The following LARP1B variants were observed in gnomAD, a reference collection of about 807,000 sequenced individuals.
The protein encoded by LARP1B is La ribonucleoprotein 1B, also known as la-related protein 1B.
LARP1B carries 76 observed loss-of-function variants against 114.2 expected under a neutral mutation model. The observed-to-expected ratio is 0.67, with a 90% CI of 0.55 to 0.81. LARP1B has a LOEUF of 0.81. LARP1B is among the 30% of genes least tolerant of loss of function. The probability of loss-of-function intolerance (pLI) is 0.00; values close to 1 mark genes in which losing one functional copy is unlikely to be tolerated. For synonymous variants in LARP1B, 345 were observed against 348.0 expected (o/e 0.99, Z 0.10); for missense variants, 1,014 against 1,075.8 (o/e 0.94, Z 0.80).
intron 7 of LARP1B, chr4:128,092,736 G>A (rs1442937918): frequency 3.0e-6 from 3 of 984,888 alleles, no homozygotes; most frequent in Non-Finnish European, 3.6e-6. Flanking sequence ...CTTACAGTGT[G>A]GAGCAACTTG....
At position 128,098,780 on chromosome 4, in the gene LARP1B, T is replaced by A. The variant is rs1441656530; in HGVS notation, c.813+450T>A. Among the ~76,000 whole-genome samples, 437 of 94,506 alleles carry A rather than the reference T, an allele frequency of 4.6e-3. 9 individuals carry two copies. The highest frequency in any genetic ancestry group is 0.016 in the African/African-American group (396 of 25,098). The allele number at this position is 94,506 out of a possible 152,430, so 62.0% of individuals were successfully genotyped here. On this transcript the variant is annotated intron_variant, in intron 8 of 19. Coordinates refer to ENST00000326639, the MANE Select transcript of LARP1B (RefSeq NM_018078.4). ...ATATATATATATATTTTTTTTTTTTTTTTTTTTTTTTTTTTAAGACAGTGT... is the reference window on the plus strand; with the variant it reads ...ATATATATATATATTTTTTTTTTTTATTTTTTTTTTTTTTTAAGACAGTGT...
At chr4:128,064,035 G>A (rs547243249) in intron 1 of LARP1B, among the ~76,000 whole-genome samples, 12 of 152,210 alleles carry the variant, frequency 7.9e-5, no homozygotes, top group African/African-American at 2.4e-4. Flanking sequence ...ACTTTGGGAG[G>A]CCGAGGCGGG....
chr4:128,133,517 G>A (rs527847729), intron 11 of LARP1B, among the ~76,000 whole-genome samples: 1 of 152,244 alleles, frequency 6.6e-6, no homozygotes, highest in South Asian at 2.1e-4. Flanking sequence ...AAAAATTCAC[G>A]TGGAATCTCA....
intron 1 of LARP1B, among the ~76,000 whole-genome samples, chr4:128,067,726 T>C (rs1763556036): frequency 6.6e-6 from 1 of 152,050 alleles, no homozygotes; most frequent in Admixed American, 6.6e-5. Context: ...TTTTTTTTCT[T>C]TTTTTGAGAT....
chr4:128,209,847 C>T lies in LARP1B; in HGVS notation c.2548-9C>T. 6.2e-7 allele frequency: 1 copy of T among 1,610,028 alleles called. No individual in the cohort carries two copies. Among genetic ancestry groups the T allele is most frequent in the Non-Finnish European group, 8.5e-7 (1 of 1,176,902 alleles). ...AATTGTCAACGGTGTTGCCTTTCAT[C>T]ATTTGCAGCCCCCTATTAGTGATGA... On this transcript the variant is annotated splice_polypyrimidine_tract_variant and intron_variant, in intron 19 of 19. Transcript: ENST00000326639.
At chr4:128,158,519 A>C (rs1339812785) in intron 11 of LARP1B, among the ~76,000 whole-genome samples, 1 of 152,216 alleles carries the variant, frequency 6.6e-6, no homozygotes, top group Non-Finnish European at 1.5e-5. Context: ...AAAAAGTGTC[A>C]AAAAGTATTT....
intron 11 of LARP1B, chr4:128,122,508 CG>C: frequency 6.6e-7 from 1 of 1,521,166 alleles, no homozygotes; most frequent in Non-Finnish European, 8.8e-7. Context: ...CGCCCTTTCT[CG>C]TATGAAAGAA....
intron 7 of LARP1B, among the ~76,000 whole-genome samples, chr4:128,221,409 C>T (rs982827235): frequency 1.3e-5 from 2 of 152,194 alleles, no homozygotes; most frequent in African/African-American, 4.8e-5. Context: ...TGACTTTACA[C>T]TCTGTGTCAG....
intron 11 of LARP1B, among the ~76,000 whole-genome samples, chr4:128,124,687 T>C (rs1032160882): frequency 6.6e-6 from 1 of 152,072 alleles, no homozygotes; most frequent in Admixed American, 6.6e-5. Context: ...GCAGAAGAAA[T>C]CCAGTTAACA....
chr4:128,179,928 T>G (rs1259042968), intron 15 of LARP1B, among the ~76,000 whole-genome samples: 1 of 152,168 alleles, frequency 6.6e-6, no homozygotes, highest in Non-Finnish European at 1.5e-5. Context: ...TTCCCCCTTT[T>G]TTGAAAATCA....
intron 15 of LARP1B, among the ~76,000 whole-genome samples, chr4:128,194,542 G>A (rs1439781003): frequency 6.6e-6 from 1 of 151,788 alleles, no homozygotes; most frequent in Non-Finnish European, 1.5e-5. Context: ...AATTAGCCGG[G>A]CATGGTGGCG....
chr4:128,098,747 G>GTGTGTGTATA, intron 8 of LARP1B, among the ~76,000 whole-genome samples: 30 of 15,554 alleles, frequency 1.9e-3, no homozygotes, highest in African/African-American at 5.3e-3. Context: ...ATATGTATGT[G>GTGTGTGTATA]TATATATATA....
chr4:128,175,416 CA>C (rs1745462930), intron 12 of LARP1B, among the ~76,000 whole-genome samples: 1 of 152,098 alleles, frequency 6.6e-6, no homozygotes, highest in Admixed American at 6.5e-5. Flanking sequence ...ATGGTTTTAG[CA>C]GCTATTGATG....
chr4:128,170,876 T>C (rs894402185), intron 12 of LARP1B, among the ~76,000 whole-genome samples: 4 of 149,086 alleles, frequency 2.7e-5, no homozygotes, highest in Non-Finnish European at 4.5e-5. Context: ...TCTTTTCTTT[T>C]TTTTTTTTTT....
intron 11 of LARP1B, among the ~76,000 whole-genome samples, chr4:128,146,528 A>G (rs1323994615): frequency 6.6e-5 from 10 of 152,214 alleles, no homozygotes; most frequent in Admixed American, 6.5e-4. Flanking sequence ...GTTCCAAAAC[A>G]GGGGAAATGA....
chr4:128,066,482 T>C (rs1441915940), intron 1 of LARP1B, among the ~76,000 whole-genome samples: 2 of 150,094 alleles, frequency 1.3e-5, no homozygotes, highest in Non-Finnish European at 3.0e-5. Flanking sequence ...CCGGCCTTTT[T>C]TTTTTTTTTT....
intron 7 of LARP1B, among the ~76,000 whole-genome samples, chr4:128,096,929 C>G (rs768691821): frequency 7.9e-5 from 12 of 151,658 alleles, no homozygotes; most frequent in Non-Finnish European, 1.5e-4. Context: ...TTTAGACAGT[C>G]TTGCTCTCGC....
intron 19 of LARP1B, among the ~76,000 whole-genome samples, chr4:128,207,715 A>G (rs1392919260): frequency 2.0e-5 from 3 of 152,216 alleles, no homozygotes; most frequent in African/African-American, 7.2e-5. Context: ...TTCACTTTTT[A>G]ATGATCTTTT....
intron 8 of LARP1B, among the ~76,000 whole-genome samples, chr4:128,101,299 C>T (rs1780238858): frequency 6.9e-6 from 1 of 143,928 alleles, no homozygotes. Context: ...CATGGTCAAA[C>T]TCTGTCTCTA....
Sources: allele counts gnomAD v4.1 joint callset (sites outside exome capture counted in the v4.1 genomes callset), GRCh38; gene constraint gnomAD v4.1.1; transcripts MANE v1.5; gene names NCBI Gene and HGNC (gene_info 2026-07-23, HGNC 2026-07-21).